Variants in MCM9 observed in about 807,000 individuals in gnomAD.
The protein encoded by MCM9 is minichromosome maintenance 9 homologous recombination repair factor.
In MCM9, 55 loss-of-function variants were observed where a neutral mutation model predicts 72.8. The observed-to-expected ratio is 0.76, with a 90% CI of 0.61 to 0.95. The LOEUF is 0.95. MCM9 is among the 40% of genes least tolerant of loss of function. The pLI is 0.00. For synonymous variants in MCM9, 480 were observed against 503.4 expected, an observed-to-expected ratio of 0.95 and a Z score of 0.62; for missense variants, 1,279 against 1,377.0, an observed-to-expected ratio of 0.93 and a Z score of 1.13.
At chr6:118,816,328 G>A (rs1489442975) in intron 13 of MCM9, 34 bp from the exon 14 acceptor site, 1 of 1,461,182 alleles carries the variant, frequency 6.8e-7, no homozygotes, top group East Asian at 2.5e-5. Context: ...AACATGTCTT[G>A]AAGGGAAGAG....
At chr6:118,822,448 G>A (rs1470611073) in intron 13 of MCM9, among the ~76,000 whole-genome samples, 4 of 152,232 alleles carry the variant, frequency 2.6e-5, no homozygotes, top group African/African-American at 9.6e-5. Flanking sequence ...ACCAGTGGAG[G>A]GTGCAGAACA....
chr6:118,817,840 G>T (rs1464944428), intron 13 of MCM9, among the ~76,000 whole-genome samples: 1 of 152,158 alleles, frequency 6.6e-6, no homozygotes, highest in Admixed American at 6.5e-5. Flanking sequence ...TCTAACTGGT[G>T]TAAGATGGTA....
In MCM9 at chr6:118,829,080, C is replaced by T. The variant is rs1344476667; in HGVS notation, c.1496G>A (p.Arg499His). The part of the protein sequence containing the change: ...LLDTKNEDWD[R>H]IISSFILENK... ...TTCTAAGATAAAGGAGGAAATGATA[C>T]GATCCCAGTCTTCATTCTTGGTATC... Residue 499 changes from arginine to histidine, a missense_variant, in exon 10 of 14, where the codon CGT becomes CAT. Coordinates refer to ENST00000619706, the MANE Select transcript of MCM9 (RefSeq NM_017696.3). The T allele has an allele frequency of 8.4e-6, 13 of 1,550,594 alleles. No individual in the cohort carries two copies. Among genetic ancestry groups the T allele is most frequent in the African/African-American group, 4.1e-5 (3 of 73,150 alleles).
chr6:118,928,854 C>CAAAA (rs574118895), intron 3 of MCM9, among the ~76,000 whole-genome samples: 6 of 128,236 alleles, frequency 4.7e-5, no homozygotes, highest in African/African-American at 1.7e-4. Flanking sequence ...GACCCTGTCT[C>CAAAA]AAAAAAAAAA....
rs1775743353 is a variant in MCM9, at chr6:118,844,783, T to A, written c.1325+11588A>T. Among the ~76,000 whole-genome samples, 3 of 151,956 alleles carry A rather than the reference T, an allele frequency of 2.0e-5. No homozygotes were observed. In the South Asian group the frequency reaches 6.2e-4, roughly 31 times the overall value. On this transcript the variant is annotated intron_variant, in intron 9 of 13. Transcript: ENST00000619706. The stretch of plus-strand genomic sequence containing the variant: ...ATGAAGAGTTACCTCCTATACACAC[T>A]GATTGTCCAGACTGTTCTGTCTGTC...
chr6:118,821,593 T>C (rs1355968036), intron 13 of MCM9, among the ~76,000 whole-genome samples: 2 of 152,158 alleles, frequency 1.3e-5, no homozygotes, highest in Admixed American at 6.5e-5. Flanking sequence ...CAGATGAGTA[T>C]ATGTCTTGGA....
chr6:118,815,557 G>A lies in MCM9; in HGVS notation c.2699C>T (p.Ala900Val), dbSNP rs550455531. The A allele has an allele frequency of 1.3e-5, 20 of 1,550,180 alleles. No individual in the cohort carries two copies. Among genetic ancestry groups the A allele is most frequent in the East Asian group, 7.3e-5 (3 of 40,884 alleles). ...SPKRKRPKSL[A>V]QVEEPAIENV... ...TTCAATTGCAGGCTCTTCCACTTGCGCAAGGGATTTCGGTCTCTTTCTTTT... is the reference window on the plus strand; with the variant it reads ...TTCAATTGCAGGCTCTTCCACTTGCACAAGGGATTTCGGTCTCTTTCTTTT... Residue 900 changes from alanine to valine, a missense_variant, in exon 14 of 14, where the codon GCG becomes GTG. Physicochemically the swap from Ala to Val is moderately conservative, Grantham distance 64. Coordinates refer to ENST00000619706, the MANE Select transcript of MCM9 (RefSeq NM_017696.3).
chr6:118,911,859 G>A, intron 7 of MCM9, 90 bp from the exon 8 acceptor site: 1 of 956,534 alleles, frequency 1.0e-6, no homozygotes. Context: ...TTTTTACTGT[G>A]TACTTTTACA....
intron 13 of MCM9, among the ~76,000 whole-genome samples, chr6:118,825,867 G>C (rs577504276): frequency 6.6e-6 from 1 of 152,244 alleles, no homozygotes; most frequent in South Asian, 2.1e-4. Flanking sequence ...GCAAAGACAA[G>C]CTATCCCCAC....
chr6:118,875,462 C>T (rs967715047), intron 8 of MCM9, among the ~76,000 whole-genome samples: 2 of 151,892 alleles, frequency 1.3e-5, no homozygotes, highest in African/African-American at 4.8e-5. Flanking sequence ...CACAGGGAGA[C>T]CCTGTCTCTA....
chr6:118,922,736 T>A (rs997120498), intron 4 of MCM9, among the ~76,000 whole-genome samples: 1 of 152,044 alleles, frequency 6.6e-6, no homozygotes, highest in Admixed American at 6.5e-5. Context: ...AAGCCATGTA[T>A]TAAGAATGGT....
Position 118,931,508 on chromosome 6 carries a change from T to G in MCM9, c.216A>C (p.Ala72=), listed in dbSNP as rs768666305. Residue 72 remains alanine (A), a synonymous_variant, in exon 3 of 14, where the codon GCA becomes GCC. Transcript: ENST00000619706. ...GAATTGTCAAGGCTGACCTTCGCAG[T>G]GCACTATCAAAAATTGTAAGCACTT... ...PSEVLTIFDS[A]LRRSALTILQ... 7.4e-6 allele frequency: 12 copies of G among 1,614,064 alleles called. No homozygotes were observed. The East Asian group carries it at 2.7e-4, about 36-fold the overall frequency.
intron 5 of MCM9, 200 bp from the exon 6 acceptor site, chr6:118,917,961 A>C (rs888988126): frequency 5.3e-6 from 3 of 569,174 alleles, no homozygotes; most frequent in African/African-American, 3.7e-5. Flanking sequence ...TGTATCTGTA[A>C]AGTGAAAAGC....
At chr6:118,915,602 A>G (rs1364530633) in intron 6 of MCM9, among the ~76,000 whole-genome samples, 1 of 152,142 alleles carries the variant, frequency 6.6e-6, no homozygotes, top group East Asian at 1.9e-4. Context: ...CTGATCAGTG[A>G]AGCATTCTCC....
chr6:118,888,695 C>G (rs1277721655), intron 8 of MCM9, among the ~76,000 whole-genome samples: 1 of 151,760 alleles, frequency 6.6e-6, no homozygotes. Context: ...CATCAACTGA[C>G]AGATAAATAA....
At chr6:118,853,898 A>C (rs916890240) in intron 9 of MCM9, among the ~76,000 whole-genome samples, 1 of 152,206 alleles carries the variant, frequency 6.6e-6, no homozygotes, top group African/African-American at 2.4e-5. Context: ...CTAGGTATCT[A>C]TCTCTCCATT....
intron 8 of MCM9, among the ~76,000 whole-genome samples, chr6:118,876,060 C>T (rs1161351946): frequency 6.6e-6 from 1 of 152,110 alleles, no homozygotes; most frequent in East Asian, 1.9e-4. Flanking sequence ...CACAAATGAG[C>T]TATCAGAGCA....
At chr6:118,924,257 A>T in intron 3 of MCM9, 130 bp from the exon 4 acceptor site, 1 of 780,178 alleles carries the variant, frequency 1.3e-6, no homozygotes, top group Admixed American at 2.6e-5. Context: ...TGTTTTACTA[A>T]GAAAAAATCA....
intron 3 of MCM9, among the ~76,000 whole-genome samples, chr6:118,924,354 A>T (rs1035280613): frequency 6.6e-6 from 1 of 152,238 alleles, no homozygotes; most frequent in African/African-American, 2.4e-5. Context: ...ATACTGCACA[A>T]TGAGTAGACC....
Sources: gnomAD v4.1 joint callset for allele counts (sites outside exome capture counted in the v4.1 genomes callset) on GRCh38, gnomAD v4.1.1 for gene constraint, MANE v1.5 for transcripts, NCBI Gene and HGNC (gene_info 2026-07-23, HGNC 2026-07-21) for gene names.